CTNNA3: variants seen among roughly 807,000 people sequenced by gnomAD.
CTNNA3 encodes catenin alpha 3, also known as catenin alpha-3.
In CTNNA3, 76 loss-of-function variants were observed where a neutral mutation model predicts 95.7. The observed-to-expected ratio is 0.79, with a 90% CI of 0.66 to 0.96. CTNNA3 has a LOEUF of 0.96. Among genes scored for constraint, CTNNA3 ranks in the 40% least tolerant of loss-of-function variants. CTNNA3 has a pLI of 0.00. For synonymous variants in CTNNA3, 431 were observed against 374.4 expected (o/e 1.15, Z -1.74); for missense variants, 1,191 against 1,089.8 (o/e 1.09, Z -1.31).
At chr10:66,064,312 T>C (rs1320169406) in intron 15 of CTNNA3, among the ~76,000 whole-genome samples, 1 of 152,148 alleles carries the variant, frequency 6.6e-6, no homozygotes. Flanking sequence ...ATTATGAGGA[T>C]GATAATTCAA....
At chr10:67,480,725 C>A (rs1319544888) in intron 5 of CTNNA3, among the ~76,000 whole-genome samples, 1 of 152,166 alleles carries the variant, frequency 6.6e-6, no homozygotes, top group Non-Finnish European at 1.5e-5. Context: ...ATAGGTGGGT[C>A]AAACTCTGTT....
intron 12 of CTNNA3, among the ~76,000 whole-genome samples, chr10:66,281,613 CG>C (rs2091492900): frequency 6.6e-6 from 1 of 151,584 alleles, no homozygotes; most frequent in South Asian, 2.1e-4. Flanking sequence ...ATGAAGATGT[CG>C]GGTAAAAAGA....
intron 10 of CTNNA3, among the ~76,000 whole-genome samples, chr10:66,541,918 C>T (rs1841866462): frequency 6.6e-6 from 1 of 152,068 alleles, no homozygotes; most frequent in Non-Finnish European, 1.5e-5. Flanking sequence ...AGCTTTTGCA[C>T]AGCAAAAGAA....
intron 11 of CTNNA3, among the ~76,000 whole-genome samples, chr10:66,446,766 A>C (rs1189341842): frequency 3.9e-5 from 6 of 152,234 alleles, no homozygotes; most frequent in Admixed American, 3.9e-4. Context: ...AACTGGCACA[A>C]GACAGGGATG....
chr10:66,983,248 C>T (rs760961967), intron 7 of CTNNA3, among the ~76,000 whole-genome samples: 2 of 152,104 alleles, frequency 1.3e-5, no homozygotes, highest in Non-Finnish European at 1.5e-5. Flanking sequence ...TTCATTCCAT[C>T]CTAGCCCCCT....
At chr10:66,535,161 A>G (rs901517033) in intron 10 of CTNNA3, among the ~76,000 whole-genome samples, 23 of 148,956 alleles carry the variant, frequency 1.5e-4, no homozygotes, top group Admixed American at 2.7e-4. Flanking sequence ...CTTAAGGGGG[A>G]AAAAAAAAAC....
At chr10:66,270,161 C>T (rs2091246009) in intron 13 of CTNNA3, among the ~76,000 whole-genome samples, 1 of 143,256 alleles carries the variant, frequency 7.0e-6, no homozygotes, top group Non-Finnish European at 1.5e-5. Context: ...ACATTTTGAA[C>T]AAATGTCCAA....
intron 3 of CTNNA3, among the ~76,000 whole-genome samples, chr10:67,587,485 T>C (rs752792562): frequency 6.6e-6 from 1 of 152,120 alleles, no homozygotes; most frequent in Non-Finnish European, 1.5e-5. Context: ...TTGCTGGATA[T>C]AGAATTATTG....
chr10:67,057,538 T>C (rs1004783557), intron 7 of CTNNA3, among the ~76,000 whole-genome samples: 1 of 152,188 alleles, frequency 6.6e-6, no homozygotes, highest in African/African-American at 2.4e-5. Flanking sequence ...GTGTCTGGCT[T>C]ATTTCACTTA....
chr10:67,559,110 C>T (rs1053725808), intron 3 of CTNNA3, among the ~76,000 whole-genome samples: 5 of 152,202 alleles, frequency 3.3e-5, no homozygotes, highest in Non-Finnish European at 7.3e-5. Flanking sequence ...TTAAATGTCC[C>T]TGTCTGACAG....
chr10:66,491,441 A>G (rs1045998713), intron 11 of CTNNA3, among the ~76,000 whole-genome samples: 3 of 152,242 alleles, frequency 2.0e-5, no homozygotes, highest in African/African-American at 7.2e-5. Context: ...GAAGAAGCCT[A>G]TGAACTTTTA....
chr10:66,139,527 T>C (rs1232027107), intron 13 of CTNNA3, among the ~76,000 whole-genome samples: 1 of 152,176 alleles, frequency 6.6e-6, no homozygotes, highest in African/African-American at 2.4e-5. Context: ...AAAGCCTCTT[T>C]ATGTGTGTTC....
At chr10:66,534,626 GT>G (rs1486391488) in intron 10 of CTNNA3, among the ~76,000 whole-genome samples, 1 of 149,866 alleles carries the variant, frequency 6.7e-6, no homozygotes, top group African/African-American at 2.4e-5. Flanking sequence ...TTTGTCTATA[GT>G]TTGGGCAACC....
intron 12 of CTNNA3, 133 bp downstream of exon 12, chr10:66,379,019 G>T: frequency 1.4e-6 from 1 of 709,734 alleles, no homozygotes; most frequent in East Asian, 2.6e-5. Flanking sequence ...TAACCAAAGT[G>T]TGCAAGCACT....
At chr10:67,478,217 A>T (rs1051444889) in intron 5 of CTNNA3, among the ~76,000 whole-genome samples, 1 of 152,216 alleles carries the variant, frequency 6.6e-6, no homozygotes, top group African/African-American at 2.4e-5. Flanking sequence ...AATTATCAAA[A>T]TTTCTGTGAG....
At chr10:66,638,455 C>G (rs554609335) in intron 9 of CTNNA3, among the ~76,000 whole-genome samples, 55 of 152,224 alleles carry the variant, frequency 3.6e-4, no homozygotes, top group Admixed American at 7.8e-4. Context: ...CGCCCCAACT[C>G]TAGAAGTGGA....
intron 15 of CTNNA3, among the ~76,000 whole-genome samples, chr10:66,063,083 C>T (rs1283560671): frequency 1.3e-5 from 2 of 151,804 alleles, no homozygotes; most frequent in East Asian, 1.9e-4. Context: ...TCCACTTTGG[C>T]TCTACTCCCC....
intron 5 of CTNNA3, among the ~76,000 whole-genome samples, chr10:67,496,101 A>C (rs1331975899): frequency 6.6e-6 from 1 of 152,248 alleles, no homozygotes; most frequent in African/African-American, 2.4e-5. Context: ...CCTAGTAGAA[A>C]GTATTTACAT....
rs184016059 is a variant in CTNNA3, at chr10:66,112,813, T to A, written c.1885-9564A>T. 2.6e-4 allele frequency among the ~76,000 whole-genome samples: 39 copies of A among 152,254 alleles called. 1 individual carries two copies. In the East Asian group the frequency reaches 5.6e-3, roughly 22 times the overall value. On this transcript the variant is annotated intron_variant, in intron 13 of 17. Transcript: ENST00000433211. ...GCATATGACTGATCTCCTTTTTTTTTAAGGTTGAATTGTATTCCATCTTAC... is the reference window on the plus strand; with the variant it reads ...GCATATGACTGATCTCCTTTTTTTTAAAGGTTGAATTGTATTCCATCTTAC...
Sources: allele counts gnomAD v4.1 joint callset (sites outside exome capture counted in the v4.1 genomes callset), GRCh38; gene constraint gnomAD v4.1.1; transcripts MANE v1.5; gene names NCBI Gene and HGNC (gene_info 2026-07-23, HGNC 2026-07-21).